Variants in PTPRD observed in about 807,000 individuals in gnomAD.
PTPRD encodes the protein receptor-type tyrosine-protein phosphatase delta.
A neutral mutation model predicts 214.5 loss-of-function variants in PTPRD; 34 were observed. The ratio of observed to expected loss-of-function variants is 0.16; its 90% confidence interval spans 0.12 to 0.21. The LOEUF is 0.21. Among genes scored for constraint, PTPRD ranks in the 10% least tolerant of loss-of-function variants. PTPRD has a pLI of 1.00. For synonymous variants in PTPRD, 1,128 were observed against 845.7 expected, an observed-to-expected ratio of 1.33 and a Z score of -5.79; for missense variants, 2,545 against 2,398.7, an observed-to-expected ratio of 1.06 and a Z score of -1.27.
intron 14 of PTPRD, 51 bp from the exon 15 acceptor site, chr9:8,528,830 A>G (rs1487065457): frequency 1.3e-6 from 2 of 1,564,688 alleles, no homozygotes; most frequent in African/African-American, 2.7e-5. Context: ...CAGATGCTCC[A>G]AATTCAAGAG....
chr9:8,424,512 C>A (rs941366847), intron 35 of PTPRD, among the ~76,000 whole-genome samples: 1 of 152,150 alleles, frequency 6.6e-6, no homozygotes, highest in Non-Finnish European at 1.5e-5. Context: ...GAATGTCTGG[C>A]ACATGGTAAG....
chr9:9,052,532 T>C (rs963117050), intron 10 of PTPRD, among the ~76,000 whole-genome samples: 1 of 152,122 alleles, frequency 6.6e-6, no homozygotes, highest in East Asian at 1.9e-4. Flanking sequence ...CACTGAAAGG[T>C]ATGTTAGTGC....
intron 7 of PTPRD, among the ~76,000 whole-genome samples, chr9:9,648,777 T>C (rs780293272): frequency 3.9e-5 from 6 of 152,202 alleles, no homozygotes; most frequent in Non-Finnish European, 5.9e-5. Flanking sequence ...TATTGTATTG[T>C]GTACTTTTCT....
At chr9:10,525,297 T>C (rs1372346623) in intron 2 of PTPRD, among the ~76,000 whole-genome samples, 1 of 152,110 alleles carries the variant, frequency 6.6e-6, no homozygotes, top group South Asian at 2.1e-4. Context: ...ATATTTCAGA[T>C]AAAAGTCTCC....
intron 11 of PTPRD, among the ~76,000 whole-genome samples, chr9:8,876,988 G>A (rs2098398764): frequency 2.0e-5 from 3 of 151,160 alleles, no homozygotes; most frequent in South Asian, 2.1e-4. Flanking sequence ...CTGCAGTGGC[G>A]CGATCTCAGC....
At chr9:10,611,182 G>A (rs553019142) in intron 2 of PTPRD, among the ~76,000 whole-genome samples, 1 of 152,074 alleles carries the variant, frequency 6.6e-6, no homozygotes, top group Non-Finnish European at 1.5e-5. Flanking sequence ...AAGATAAAAG[G>A]GATAAACTTT....
At chr9:10,273,683 G>T (rs963995485) in intron 3 of PTPRD, among the ~76,000 whole-genome samples, 5 of 152,100 alleles carry the variant, frequency 3.3e-5, no homozygotes, top group Admixed American at 1.3e-4. Context: ...CCACTAAGAA[G>T]GGAATGGTGC....
intron 31 of PTPRD, among the ~76,000 whole-genome samples, chr9:8,466,792 T>C (rs942547490): frequency 6.6e-6 from 1 of 151,896 alleles, no homozygotes; most frequent in African/African-American, 2.4e-5. Flanking sequence ...AAAATTAAGA[T>C]ACTTATGGAA....
At chr9:9,676,625 C>G (rs912385519) in intron 7 of PTPRD, among the ~76,000 whole-genome samples, 5 of 152,008 alleles carry the variant, frequency 3.3e-5, no homozygotes, top group African/African-American at 9.7e-5. Flanking sequence ...GATTTATAAT[C>G]CTTTGGGTAT....
intron 7 of PTPRD, among the ~76,000 whole-genome samples, chr9:9,680,025 A>C (rs528182886): frequency 6.6e-4 from 100 of 151,914 alleles, no homozygotes; most frequent in African/African-American, 2.3e-3. Context: ...ATATTTTAAA[A>C]ATAATATTTC....
intron 3 of PTPRD, among the ~76,000 whole-genome samples, chr9:10,184,167 G>A (rs898862923): frequency 3.3e-5 from 5 of 152,158 alleles, no homozygotes; most frequent in African/African-American, 1.2e-4. Flanking sequence ...GGTCTTGCCT[G>A]TTAACCCAGT....
intron 8 of PTPRD, among the ~76,000 whole-genome samples, chr9:9,437,331 T>G (rs1371084086): frequency 6.6e-6 from 1 of 152,200 alleles, no homozygotes; most frequent in Non-Finnish European, 1.5e-5. Flanking sequence ...ACTGATGTCT[T>G]TCACAAAATA....
chr9:8,421,320 C>A (rs2094343754), intron 35 of PTPRD, among the ~76,000 whole-genome samples: 1 of 150,742 alleles, frequency 6.6e-6, no homozygotes, highest in African/African-American at 2.4e-5. Context: ...TCTCTTCCTT[C>A]TTTCTTTCCT....
At chr9:9,323,734 C>T (rs1038401132) in intron 9 of PTPRD, among the ~76,000 whole-genome samples, 54 of 152,124 alleles carry the variant, frequency 3.5e-4, no homozygotes, top group Non-Finnish European at 5.9e-4. Flanking sequence ...GGTACATGTG[C>T]ACAATGTGCA....
At chr9:9,750,730 T>A (rs993844047) in intron 6 of PTPRD, among the ~76,000 whole-genome samples, 1 of 152,158 alleles carries the variant, frequency 6.6e-6, no homozygotes, top group South Asian at 2.1e-4. Flanking sequence ...ACAAGATATC[T>A]TGAGGAAGGA....
chr9:8,506,950 A>C (rs774877277), intron 22 of PTPRD, among the ~76,000 whole-genome samples: 4 of 152,218 alleles, frequency 2.6e-5, no homozygotes, highest in African/African-American at 7.2e-5. Context: ...TGACTTAAAT[A>C]CTTTCATGAA....
intron 11 of PTPRD, among the ~76,000 whole-genome samples, chr9:8,778,457 C>G (rs897948170): frequency 6.6e-6 from 1 of 152,174 alleles, no homozygotes; most frequent in Non-Finnish European, 1.5e-5. Context: ...GATAACAGAG[C>G]GACCGTGTCT....
At chr9:10,359,908 T>A (rs2097345659) in intron 2 of PTPRD, among the ~76,000 whole-genome samples, 3 of 152,210 alleles carry the variant, frequency 2.0e-5, no homozygotes, top group Admixed American at 6.5e-5. Flanking sequence ...GCTGTTGGAA[T>A]AATTTGCCAA....
chr9:8,948,543 T>TTATA (rs1228234537), intron 11 of PTPRD, among the ~76,000 whole-genome samples: 3 of 31,186 alleles, frequency 9.6e-5, no homozygotes, highest in Admixed American at 9.8e-4. Flanking sequence ...ATATATATAT[T>TTATA]TATATATATT....
Sources: gnomAD v4.1 joint callset for allele counts (sites outside exome capture counted in the v4.1 genomes callset) on GRCh38, gnomAD v4.1.1 for gene constraint, MANE v1.5 for transcripts, NCBI Gene and HGNC (gene_info 2026-07-23, HGNC 2026-07-21) for gene names.